Variants in PCDHGB2 observed in about 807,000 individuals in gnomAD.
The protein encoded by PCDHGB2 is protocadherin gamma subfamily B, 2.
In PCDHGB2, 55 loss-of-function variants were observed where a neutral mutation model predicts 59.3. The ratio of observed to expected loss-of-function variants is 0.93; its 90% CI spans 0.75 to 1.16. The LOEUF is 1.16. Among genes scored for constraint, PCDHGB2 ranks in the 50% most tolerant of loss-of-function variants. PCDHGB2 has a pLI of 0.00. For missense variants in PCDHGB2, 1,228 were observed against 1,198.5 expected (o/e 1.02, Z -0.36); for synonymous variants, 516 against 512.0 (o/e 1.01, Z -0.11).
rs751563833 is a variant in PCDHGB2 at position 141,421,382 on chromosome 5, A to T, written c.2421+58826A>T. 5.6e-6 allele frequency: 9 copies of T among 1,613,906 alleles called. No homozygotes were observed. The South Asian group carries it at 8.8e-5, about 16-fold the overall frequency. ...TCCTTCGTGGGCAATATCTCCAAGG[A>T]CCTGGGGCTGGAGCCCCGGGAGCTG... On this transcript the variant is annotated intron_variant, in intron 1 of 3. Transcript: ENST00000522605.
At chr5:141,400,154 T>G in intron 1 of PCDHGB2, 1 of 1,614,076 alleles carries the variant, frequency 6.2e-7, no homozygotes, top group Non-Finnish European at 8.5e-7. Context: ...GACCGCCCTG[T>G]ACCCTCTGAC....
chr5:141,374,078 C>T, intron 1 of PCDHGB2: 1 of 1,516,122 alleles, frequency 6.6e-7, no homozygotes, highest in Non-Finnish European at 8.8e-7. Flanking sequence ...TCCTAATAAG[C>T]CAGTAATGGC....
chr5:141,427,491 G>A (rs1158414276), intron 1 of PCDHGB2: 1 of 553,626 alleles, frequency 1.8e-6, no homozygotes, highest in Non-Finnish European at 3.4e-6. Context: ...CTATAAGCTT[G>A]TAACAGATGG....
chr5:141,405,431 T>TGTTTTTGA (rs1428153443), intron 1 of PCDHGB2: 4 of 1,490,528 alleles, frequency 2.7e-6, no homozygotes, highest in Non-Finnish European at 2.7e-6. Flanking sequence ...TGTTTTGTTT[T>TGTTTTTGA]GTTTTTGAGA....
Position 141,405,415 on chromosome 5 carries a change from GT to G in PCDHGB2, c.2421+42865del, listed in dbSNP as rs757320616. The G allele has an allele frequency of 3.1e-4, 488 of 1,559,566 alleles. 1 individual carries two copies. Among genetic ancestry groups the G allele is most frequent in the Admixed American group, 8.4e-4 (46 of 54,770 alleles). On this transcript the variant is annotated intron_variant, in intron 1 of 3. Transcript: ENST00000522605. Reference sequence around the variant, plus strand: ...TTTTCTTTCTTTCTTTTCTTTTTTTGTTTTTTGTTTTGTTTTGTTTTTGAGA... The same window carrying G: ...TTTTCTTTCTTTCTTTTCTTTTTTTGTTTTTGTTTTGTTTTGTTTTTGAGA...
intron 1 of PCDHGB2, chr5:141,375,193 A>G: frequency 6.2e-7 from 1 of 1,613,982 alleles, no homozygotes; most frequent in Non-Finnish European, 8.5e-7. Context: ...CCCTTTTTCA[A>G]GTGTTCGATC....
intron 3 of PCDHGB2, chr5:141,508,128 T>C (rs1490298338): frequency 6.6e-6 from 1 of 151,706 alleles, no homozygotes; most frequent in African/African-American, 2.4e-5. Context: ...CAGAGGGAGG[T>C]CAGGGAGCTG....
chr5:141,408,643 C>G (rs751905674), intron 1 of PCDHGB2: 2 of 1,613,910 alleles, frequency 1.2e-6, no homozygotes, highest in Admixed American at 1.7e-5. Context: ...AATCTGCATC[C>G]GCTGGTACAC....
chr5:141,403,243 T>C (rs1363955978), intron 1 of PCDHGB2: 2 of 1,613,894 alleles, frequency 1.2e-6, no homozygotes, highest in East Asian at 4.5e-5. Context: ...AGCTCTGTGC[T>C]CAGAGCCCGC....
intron 1 of PCDHGB2, chr5:141,389,455 G>A (rs1345301697): frequency 6.2e-7 from 1 of 1,613,044 alleles, no homozygotes; most frequent in Admixed American, 1.7e-5. Context: ...GAGCAGCTGC[G>A]CGCCTTCGAA....
At chr5:141,484,880 T>G (rs1258072805) in intron 1 of PCDHGB2, 3 of 336,846 alleles carry the variant, frequency 8.9e-6, no homozygotes, top group Admixed American at 9.2e-5. Flanking sequence ...GAGGATAGGG[T>G]GGGCTTTTTC....
chr5:141,361,319 A>T lies in PCDHGB2; in HGVS notation c.1184A>T (p.Lys395Ile). The change falls in exon 1 of 4, where the codon AAA (lysine) becomes ATA (isoleucine). Residue 395 changes from lysine (K) to isoleucine (I), a missense_variant. Physicochemically the swap from Lys to Ile is moderately radical, Grantham distance 102. Coordinates refer to ENST00000522605, the MANE Select transcript of PCDHGB2 (RefSeq NM_018923.3). The stretch of plus-strand genomic sequence containing the variant: ...TTGGGAAATGCCAAGTTTATTTTGA[A>T]ATCTTCCTCAAAGAACTATTACAAA... ...QVLGNAKFILKSSSKNYYKLV... is the reference protein window; with the variant it reads ...QVLGNAKFILISSSKNYYKLV... 6.2e-7 allele frequency: 1 copy of T among 1,613,956 alleles called. No individual in the cohort carries two copies. The highest frequency in any genetic ancestry group is 8.5e-7 in the Non-Finnish European group (1 of 1,179,896).
rs370032689 is a variant in PCDHGB2 at position 141,415,343 on chromosome 5, G to A, written c.2421+52787G>A. 84 of 1,614,112 alleles carry A rather than the reference G, an allele frequency of 5.2e-5. No homozygotes were observed. The African/African-American group carries it at 1.0e-3, about 20-fold the overall frequency. On this transcript the variant is annotated intron_variant, in intron 1 of 3. Transcript: ENST00000522605. The stretch of plus-strand genomic sequence containing the variant: ...CTGCTGGCGCACAGGCTGCGGCGCT[G>A]GCACAAGTCACGCCTGCTGCAGGCT...
intron 1 of PCDHGB2, chr5:141,388,940 C>T: frequency 6.2e-7 from 1 of 1,613,966 alleles, no homozygotes; most frequent in South Asian, 1.1e-5. Context: ...CTCTACCCAA[C>T]CTAATTATGG....
intron 3 of PCDHGB2, among the ~76,000 whole-genome samples, chr5:141,509,751 A>T (rs1430265981): frequency 6.6e-6 from 1 of 151,998 alleles, no homozygotes; most frequent in Admixed American, 6.5e-5. Flanking sequence ...CCTGTGCCTA[A>T]AGTGTCCCTG....
chr5:141,475,577 T>C (rs2099365697), intron 1 of PCDHGB2, among the ~76,000 whole-genome samples: 1 of 152,228 alleles, frequency 6.6e-6, no homozygotes, highest in Non-Finnish European at 1.5e-5. Context: ...ACAAGCCAGA[T>C]TTGTTGGTGT....
intron 1 of PCDHGB2, chr5:141,393,601 C>T (rs1392489335): frequency 8.1e-6 from 13 of 1,613,812 alleles, no homozygotes; most frequent in Non-Finnish European, 1.1e-5. Flanking sequence ...CGGCTGCTTA[C>T]TGTAACAGCC....
intron 1 of PCDHGB2, chr5:141,377,664 C>T (rs1042522537): frequency 6.6e-6 from 1 of 151,600 alleles, no homozygotes; most frequent in South Asian, 2.1e-4. Context: ...AAACGACAGA[C>T]GTTCATACAA....
rs1332652972 is a variant in PCDHGB2, at chr5:141,432,381, C to T, written c.2422-62426C>T. On this transcript the variant is annotated intron_variant, in intron 1 of 3. Transcript: ENST00000522605. The surrounding 1 kb of genome is among the most constrained non-coding windows in gnomAD (Gnocchi z 6.0). ...ATGGCGCGGGACAACGGGCACCCGCCCCTCAGCAGCAACGTGTCGTTGAGC... is the reference window on the plus strand; with the variant it reads ...ATGGCGCGGGACAACGGGCACCCGCTCCTCAGCAGCAACGTGTCGTTGAGC... 1 of 1,614,256 alleles carries T rather than the reference C, an allele frequency of 6.2e-7. No homozygotes were observed. The highest frequency in any genetic ancestry group is 1.1e-5 in the South Asian group (1 of 91,082).
Sources: allele counts gnomAD v4.1 joint callset (sites outside exome capture counted in the v4.1 genomes callset), GRCh38; gene constraint gnomAD v4.1.1; non-coding constraint Gnocchi (gnomAD v3.1); transcripts MANE v1.5; gene names NCBI Gene and HGNC (gene_info 2026-07-23, HGNC 2026-07-21).